Variants in TBC1D5 observed in about 807,000 individuals in gnomAD.
The protein encoded by TBC1D5 is TBC1 domain family, member 5.
A neutral mutation model predicts 100.3 loss-of-function variants in TBC1D5; 75 were observed. The observed-to-expected ratio is 0.75, with a 90% CI of 0.62 to 0.91. The LOEUF (loss-of-function observed/expected upper bound fraction) is 0.91, where lower values mean the gene tolerates loss of function less well. Ranked by LOEUF, TBC1D5 falls within the 40% of genes least tolerant of loss-of-function variation. The pLI is 0.00. For synonymous variants in TBC1D5, 323 were observed against 325.6 expected (o/e 0.99, Z 0.09); for missense variants, 910 against 942.4 (o/e 0.97, Z 0.45).
chr3:17,466,136 A>G (rs924693115), intron 3 of TBC1D5, among the ~76,000 whole-genome samples: 2 of 152,218 alleles, frequency 1.3e-5, no homozygotes, highest in Non-Finnish European at 2.9e-5. Context: ...TTCTTGAAAA[A>G]TATTTTGCCT....
chr3:17,693,213 T>C (rs1345418855), intron 1 of TBC1D5, among the ~76,000 whole-genome samples: 1 of 152,192 alleles, frequency 6.6e-6, no homozygotes, highest in Non-Finnish European at 1.5e-5. Flanking sequence ...GGTACCTGGT[T>C]CATCTCATTG....
chr3:17,270,581 C>A (rs925605700), intron 15 of TBC1D5, among the ~76,000 whole-genome samples: 1 of 152,152 alleles, frequency 6.6e-6, no homozygotes, highest in Admixed American at 6.5e-5. Flanking sequence ...AGGTTGTCTA[C>A]TCTGTTGATA....
At position 17,383,262 on chromosome 3, in the gene TBC1D5, T is replaced by A. The variant is rs144063175; in HGVS notation, c.612+651A>T. Among the ~76,000 whole-genome samples the A allele has an allele frequency of 5.8e-3, 884 of 152,018 alleles. 5 individuals carry two copies. Among genetic ancestry groups the A allele is most frequent in the Admixed American group, 0.013 (202 of 15,262 alleles). The stretch of plus-strand genomic sequence containing the variant: ...GAATTTAAGAATTTAGCTTGAATTC[T>A]CACTTAATTTGCATTTGGAGAAATA... On this transcript the variant is annotated intron_variant, in intron 9 of 21. Transcript: ENST00000253692.
intron 5 of TBC1D5, among the ~76,000 whole-genome samples, chr3:17,406,188 AAAAG>A (rs1211244056): frequency 1.3e-5 from 2 of 152,082 alleles, no homozygotes; most frequent in Admixed American, 1.3e-4. Context: ...AAAACAGTTG[AAAAG>A]ATAGTTTTTT....
chr3:17,172,707 C>T (rs2067286241), intron 19 of TBC1D5, among the ~76,000 whole-genome samples: 1 of 152,154 alleles, frequency 6.6e-6, no homozygotes, highest in South Asian at 2.1e-4. Context: ...AATGTAGTGC[C>T]ACAAAAATAG....
At chr3:17,500,021 A>T (rs2153221820) in intron 3 of TBC1D5, among the ~76,000 whole-genome samples, 1 of 149,482 alleles carries the variant, frequency 6.7e-6, no homozygotes, top group South Asian at 2.1e-4. Context: ...GATAAGGGCT[A>T]TTGCAAGGCT....
intron 1 of TBC1D5, among the ~76,000 whole-genome samples, chr3:17,717,634 A>C (rs962236880): frequency 6.6e-6 from 1 of 152,202 alleles, no homozygotes; most frequent in Non-Finnish European, 1.5e-5. Flanking sequence ...TTGTCTGATT[A>C]GTGTCTAAAA....
chr3:17,736,455 T>C (rs1287334464), intron 1 of TBC1D5, among the ~76,000 whole-genome samples: 1 of 152,140 alleles, frequency 6.6e-6, no homozygotes, highest in African/African-American at 2.4e-5. Flanking sequence ...CACTCTTACC[T>C]TTAGACTCTT....
At chr3:17,382,823 A>G (rs1248981879) in intron 9 of TBC1D5, among the ~76,000 whole-genome samples, 1 of 152,068 alleles carries the variant, frequency 6.6e-6, no homozygotes, top group East Asian at 1.9e-4. Flanking sequence ...CAGCCTTACA[A>G]AGTGCTGGGA....
chr3:17,738,478 G>C (rs973964037), intron 1 of TBC1D5, among the ~76,000 whole-genome samples: 1 of 152,168 alleles, frequency 6.6e-6, no homozygotes, highest in African/African-American at 2.4e-5. Context: ...GGCACTGTGA[G>C]ACTAAGTAGC....
intron 9 of TBC1D5, among the ~76,000 whole-genome samples, chr3:17,382,319 C>A (rs908642034): frequency 6.6e-6 from 1 of 151,970 alleles, no homozygotes; most frequent in African/African-American, 2.4e-5. Flanking sequence ...GAATTTGTGT[C>A]TACACTCAGT....
chr3:17,507,210 T>G (rs1036958917), intron 3 of TBC1D5, among the ~76,000 whole-genome samples: 1 of 152,202 alleles, frequency 6.6e-6, no homozygotes, highest in Non-Finnish European at 1.5e-5. Flanking sequence ...TTCTTATGAG[T>G]ATTACATTTA....
rs1487967476 is a variant in TBC1D5 at position 17,337,131 on chromosome 3, T to G, written c.996-28997A>C. 4.6e-5 allele frequency among the ~76,000 whole-genome samples: 7 copies of G among 150,540 alleles called. No homozygotes were observed. The South Asian group carries it at 1.1e-3, about 23-fold the overall frequency. The stretch of plus-strand genomic sequence containing the variant: ...CCAAAATTATCTGAGAGGTTTTTTT[T>G]TTTTTTTTTTTTTTAAGATAACTGG... On this transcript the variant is annotated intron_variant, in intron 13 of 21. Transcript: ENST00000253692.
intron 3 of TBC1D5, among the ~76,000 whole-genome samples, chr3:17,502,744 A>G (rs2095800581): frequency 6.7e-6 from 1 of 149,332 alleles, no homozygotes; most frequent in African/African-American, 2.5e-5. Flanking sequence ...CGTCTGTACC[A>G]TACAAAATTC....
chr3:17,643,706 T>C (rs770289696), intron 1 of TBC1D5, among the ~76,000 whole-genome samples: 3 of 152,126 alleles, frequency 2.0e-5, no homozygotes, highest in African/African-American at 7.2e-5. Context: ...ATAATGACCT[T>C]AACTCCCTGA....
At chr3:17,641,106 A>T (rs890678320) in intron 1 of TBC1D5, among the ~76,000 whole-genome samples, 1 of 152,136 alleles carries the variant, frequency 6.6e-6, no homozygotes, top group African/African-American at 2.4e-5. Context: ...GATATGGAAA[A>T]TTTTTAAAAC....
At chr3:17,197,708 A>T (rs2070888163) in intron 18 of TBC1D5, among the ~76,000 whole-genome samples, 1 of 152,104 alleles carries the variant, frequency 6.6e-6, no homozygotes, top group Admixed American at 6.6e-5. Flanking sequence ...TGCATAGCAT[A>T]GTGATTTTGG....
intron 3 of TBC1D5, among the ~76,000 whole-genome samples, chr3:17,453,079 T>TAAAAAAAAAA (rs570210975): frequency 4.9e-5 from 4 of 81,928 alleles, no homozygotes; most frequent in Non-Finnish European, 8.4e-5. Context: ...AATGAAGAAA[T>TAAAAAAAAAA]AAAAAAAAAA....
At chr3:17,291,755 T>G in intron 15 of TBC1D5, 140 bp downstream of exon 15, 1 of 733,820 alleles carries the variant, frequency 1.4e-6, no homozygotes. Flanking sequence ...GGTTTTGGCC[T>G]ACAACTTTAG....
Sources: allele counts gnomAD v4.1 joint callset (sites outside exome capture counted in the v4.1 genomes callset), GRCh38; gene constraint gnomAD v4.1.1; transcripts MANE v1.5; gene names NCBI Gene and HGNC (gene_info 2026-07-23, HGNC 2026-07-21).